The following RNF32 variants were observed in gnomAD, a reference collection of about 807,000 sequenced individuals.
The protein encoded by RNF32 is ring finger protein 32.
In RNF32, 36 loss-of-function variants were observed where a neutral mutation model predicts 41.0. That is an observed-to-expected ratio of 0.88 (90% confidence interval 0.67 to 1.16). The LOEUF is 1.16. Among genes scored for constraint, RNF32 ranks in the 50% most tolerant of loss-of-function variants. The pLI is 0.00. For synonymous variants in RNF32, 154 were observed against 160.9 expected, an observed-to-expected ratio of 0.96 and a Z score of 0.32; for missense variants, 413 against 436.7, an observed-to-expected ratio of 0.95 and a Z score of 0.48.
chr7:156,674,210 C>T (rs982641641), intron 7 of RNF32, among the ~76,000 whole-genome samples: 2 of 152,218 alleles, frequency 1.3e-5, no homozygotes, highest in African/African-American at 4.8e-5. Context: ...AGGCAACATG[C>T]CAGCCTGTGG....
chr7:156,658,023 G>A, intron 5 of RNF32, 105 bp from the exon 6 acceptor site: 1 of 1,209,384 alleles, frequency 8.3e-7, no homozygotes, highest in Admixed American at 2.0e-5. Context: ...AAGTCTCATA[G>A]TTATGGGAGA....
chr7:156,640,751 G>A (rs1797169990), upstream of RNF32: 2 of 273,494 alleles, frequency 7.3e-6, no homozygotes, highest in Non-Finnish European at 1.4e-5. Flanking sequence ...GGCGGCCAGG[G>A]AGTTGCCTGA....
chr7:156,649,603 C>T (rs1242377285), intron 3 of RNF32, among the ~76,000 whole-genome samples: 1 of 152,156 alleles, frequency 6.6e-6, no homozygotes, highest in Non-Finnish European at 1.5e-5. Flanking sequence ...CCAGTTGCTA[C>T]AGGTTTTTAA....
intron 3 of RNF32, among the ~76,000 whole-genome samples, chr7:156,653,754 G>T (rs879862195): frequency 6.6e-6 from 1 of 152,196 alleles, no homozygotes; most frequent in Non-Finnish European, 1.5e-5. Flanking sequence ...GACAGCACAT[G>T]GTGGGTACCC....
chr7:156,640,531 C>A, upstream of RNF32: 1 of 367,564 alleles, frequency 2.7e-6, no homozygotes. Context: ...TCGACGGGAA[C>A]GCACCTGCGT....
chr7:156,643,792 T>C lies in RNF32; in HGVS notation c.-77-9T>C. ...TAACTTTGACTTTCTGTTGACCACG[T>C]CTTTGCAGCAGAAGAATAGAAGGAA... On this transcript the variant is annotated splice_polypyrimidine_tract_variant and intron_variant, in intron 1 of 8. Transcript: ENST00000317955. 4.0e-6 allele frequency: 5 copies of C among 1,255,038 alleles called. No homozygotes were observed. The highest frequency in any genetic ancestry group is 5.8e-6 in the Non-Finnish European group (5 of 857,574). The allele number at this position is 1,255,038 out of a possible 1,614,324, so 77.7% of individuals were successfully genotyped here.
At chr7:156,676,301 A>C in intron 8 of RNF32, 118 bp from the exon 9 acceptor site, 1 of 1,603,592 alleles carries the variant, frequency 6.2e-7, no homozygotes, top group South Asian at 1.1e-5. Flanking sequence ...ACAGAATGAA[A>C]CTTCCGCATG....
At chr7:156,659,859 G>A in intron 7 of RNF32, 1 of 969,520 alleles carries the variant, frequency 1.0e-6, no homozygotes, top group Non-Finnish European at 1.2e-6. Context: ...TCAGCTTCAT[G>A]GAAAAAGGAA....
At chr7:156,671,293 G>A (rs1286983482) in intron 7 of RNF32, among the ~76,000 whole-genome samples, 1 of 152,198 alleles carries the variant, frequency 6.6e-6, no homozygotes, top group Non-Finnish European at 1.5e-5. Context: ...GATTATGTAT[G>A]TGTTACTCAG....
At position 156,676,875 on chromosome 7, in the gene RNF32, A is replaced by G. The variant is rs749734585; in HGVS notation, c.*220A>G. 2.3e-5 allele frequency: 12 copies of G among 529,744 alleles called. No individual in the cohort carries two copies. The highest frequency in any genetic ancestry group is 3.7e-5 in the Non-Finnish European group (11 of 296,130). 32.8% of individuals were successfully genotyped at this position (529,744 alleles called of 1,614,324 possible). A position where few individuals can be genotyped will look rare whatever the true frequency, so the allele number is the denominator to read the frequency against. On this transcript the variant is annotated 3_prime_UTR_variant, in exon 9 of 9. Transcript: ENST00000317955. ...AGTAAATTTCAAATTTATGAGTTTAATCACTTCAAATATGAATAGCAAAAA... is the reference window on the plus strand; with the variant it reads ...AGTAAATTTCAAATTTATGAGTTTAGTCACTTCAAATATGAATAGCAAAAA...
chr7:156,675,576 G>C, intron 7 of RNF32, 120 bp from the exon 8 acceptor site: 1 of 754,386 alleles, frequency 1.3e-6, no homozygotes, highest in Non-Finnish European at 2.2e-6. Flanking sequence ...TCCCTAAAAA[G>C]TATTATTCGA....
chr7:156,660,322 A>G (rs1800440053), intron 7 of RNF32: 1 of 978,396 alleles, frequency 1.0e-6, no homozygotes, highest in Non-Finnish European at 1.2e-6. Flanking sequence ...TAAGAGATCA[A>G]GAAGAACAGA....
chr7:156,643,933 A>G (rs762731389), intron 2 of RNF32, 41 bp downstream of exon 2: 9 of 1,538,560 alleles, frequency 5.8e-6, no homozygotes, highest in Non-Finnish European at 7.2e-6. Flanking sequence ...TATTTGACTC[A>G]TGAAATGTAT....
intron 7 of RNF32, among the ~76,000 whole-genome samples, chr7:156,671,074 G>GCCC (rs1474692878): frequency 5.9e-5 from 9 of 152,222 alleles, no homozygotes; most frequent in African/African-American, 1.7e-4. Context: ...CCTTAATAAT[G>GCCC]TAAGTATGCA....
intron 7 of RNF32, among the ~76,000 whole-genome samples, chr7:156,666,242 T>C (rs1445142143): frequency 6.6e-6 from 1 of 152,238 alleles, no homozygotes; most frequent in Non-Finnish European, 1.5e-5. Context: ...AGCCATTCTG[T>C]TTTTATAAAT....
At chr7:156,646,820 T>C (rs1798020235) in intron 3 of RNF32, among the ~76,000 whole-genome samples, 1 of 152,200 alleles carries the variant, frequency 6.6e-6, no homozygotes, top group Non-Finnish European at 1.5e-5. Context: ...GTTTGAATGT[T>C]TGTCCCCTCC....
intron 7 of RNF32, among the ~76,000 whole-genome samples, chr7:156,664,116 C>T (rs1314633028): frequency 2.0e-5 from 3 of 152,226 alleles, no homozygotes; most frequent in African/African-American, 7.2e-5. Flanking sequence ...GTGCACACGG[C>T]ACATTGCGTG....
intron 3 of RNF32, among the ~76,000 whole-genome samples, chr7:156,652,884 A>G (rs75872919): frequency 9.3e-4 from 141 of 152,308 alleles, no homozygotes; most frequent in African/African-American, 3.1e-3. Flanking sequence ...CCACATCACT[A>G]CGTGCTAGCC....
At chr7:156,666,409 T>C (rs952783480) in intron 7 of RNF32, among the ~76,000 whole-genome samples, 6 of 152,338 alleles carry the variant, frequency 3.9e-5, no homozygotes, top group Admixed American at 6.5e-5. Context: ...TTGCATACAC[T>C]GCAGGTTTCT....
Sources: gnomAD v4.1 joint callset for allele counts (sites outside exome capture counted in the v4.1 genomes callset) on GRCh38, gnomAD v4.1.1 for gene constraint, MANE v1.5 for transcripts, NCBI Gene and HGNC (gene_info 2026-07-23, HGNC 2026-07-21) for gene names.